Variants in GRID1 observed in about 807,000 individuals in gnomAD.
GRID1 encodes the protein glutamate receptor ionotropic, delta-1.
In GRID1, 28 loss-of-function variants were observed where a neutral mutation model predicts 98.0. That is an observed-to-expected ratio of 0.29 (90% CI 0.21 to 0.39). GRID1 has a LOEUF of 0.39. GRID1 is among the 10% of genes least tolerant of loss of function. The pLI is 1.00. For missense variants in GRID1, 1,111 were observed against 1,340.5 expected, an observed-to-expected ratio of 0.83 and a Z score of 2.67; for synonymous variants, 553 against 538.5, an observed-to-expected ratio of 1.03 and a Z score of -0.37.
At chr10:86,279,823 A>G (rs753081552) in intron 2 of GRID1, among the ~76,000 whole-genome samples, 5 of 152,254 alleles carry the variant, frequency 3.3e-5, no homozygotes, top group Non-Finnish European at 7.3e-5. Flanking sequence ...CACAGGTGAC[A>G]TTATCATTTA....
At chr10:86,337,402 A>C (rs1848238411) in intron 2 of GRID1, among the ~76,000 whole-genome samples, 1 of 152,138 alleles carries the variant, frequency 6.6e-6, no homozygotes, top group East Asian at 1.9e-4. Flanking sequence ...CCACAGGGAC[A>C]CCATCCTGTA....
At chr10:86,240,587 C>T (rs1366795018) in intron 2 of GRID1, among the ~76,000 whole-genome samples, 2 of 47,256 alleles carry the variant, frequency 4.2e-5, no homozygotes, top group South Asian at 8.1e-4. Context: ...TGGGTGGGTG[C>T]GGCGGGGGCG....
chr10:86,229,698 C>T (rs1846418677), intron 2 of GRID1, among the ~76,000 whole-genome samples: 1 of 152,202 alleles, frequency 6.6e-6, no homozygotes, highest in Non-Finnish European at 1.5e-5. Flanking sequence ...CTGGCTTCAA[C>T]CCTTCTGATG....
intron 5 of GRID1, among the ~76,000 whole-genome samples, chr10:85,897,494 TGGCCATA>T (rs1841310023): frequency 6.6e-6 from 1 of 152,204 alleles, no homozygotes; most frequent in African/African-American, 2.4e-5. Context: ...CAGGAAGGCT[TGGCCATA>T]GGCATGGGGT....
At chr10:85,934,152 G>A (rs577237417) in intron 4 of GRID1, among the ~76,000 whole-genome samples, 3 of 152,246 alleles carry the variant, frequency 2.0e-5, no homozygotes, top group East Asian at 3.9e-4. Context: ...CAAGCTGTCT[G>A]GAGGGACCTC....
At chr10:85,985,959 C>A (rs1307789365) in intron 4 of GRID1, among the ~76,000 whole-genome samples, 1 of 152,184 alleles carries the variant, frequency 6.6e-6, no homozygotes, top group African/African-American at 2.4e-5. Context: ...GAATTCACTC[C>A]TCCAAAGAAG....
intron 4 of GRID1, among the ~76,000 whole-genome samples, chr10:85,995,992 C>T (rs1842735138): frequency 6.6e-6 from 1 of 152,204 alleles, no homozygotes; most frequent in Non-Finnish European, 1.5e-5. Flanking sequence ...CTGGGTGGCA[C>T]ACACACCAGA....
At chr10:85,877,675 A>G (rs1277420429) in intron 5 of GRID1, among the ~76,000 whole-genome samples, 2 of 152,196 alleles carry the variant, frequency 1.3e-5, no homozygotes, top group South Asian at 4.1e-4. Context: ...TGGGGAAAAA[A>G]CAGAGCAGAA....
chr10:85,627,036 C>T (rs1187596442), intron 13 of GRID1, among the ~76,000 whole-genome samples: 1 of 152,092 alleles, frequency 6.6e-6, no homozygotes, highest in African/African-American at 2.4e-5. Flanking sequence ...TTGGAAGCAA[C>T]CTAAATGCTC....
intron 4 of GRID1, among the ~76,000 whole-genome samples, chr10:86,062,690 C>T (rs900958143): frequency 2.6e-5 from 4 of 152,214 alleles, no homozygotes; most frequent in Admixed American, 1.3e-4. Flanking sequence ...ACCAGCTTCA[C>T]TCATATCCCA....
intron 2 of GRID1, among the ~76,000 whole-genome samples, chr10:86,252,335 C>T (rs1173788727): frequency 6.6e-6 from 1 of 152,218 alleles, no homozygotes; most frequent in African/African-American, 2.4e-5. Flanking sequence ...TCCAACATCA[C>T]CTTCGTTGTG....
intron 9 of GRID1, among the ~76,000 whole-genome samples, chr10:85,728,464 A>G (rs1841787221): frequency 6.6e-6 from 1 of 152,248 alleles, no homozygotes. Flanking sequence ...AAGTGGCGAT[A>G]AAGCTCTGTG....
At chr10:86,011,923 C>T (rs909262370) in intron 4 of GRID1, among the ~76,000 whole-genome samples, 11 of 152,054 alleles carry the variant, frequency 7.2e-5, no homozygotes, top group African/African-American at 1.9e-4. Context: ...TTTGGGAGGC[C>T]GAAGCGAGCA....
chr10:86,290,975 A>G (rs549840672), intron 2 of GRID1, among the ~76,000 whole-genome samples: 12 of 152,312 alleles, frequency 7.9e-5, no homozygotes, highest in African/African-American at 2.9e-4. Context: ...AGATTCTGAC[A>G]GTCCAGGTCC....
In GRID1 at chr10:86,093,435, A is replaced by T. The variant is rs534802873; in HGVS notation, c.726+45384T>A. On this transcript the variant is annotated intron_variant, in intron 4 of 15. Coordinates refer to ENST00000327946, the MANE Select transcript of GRID1 (RefSeq NM_017551.3). ...AACAAAAAGCTGGTTCTTTGAAAAG[A>T]TAAATAAAATTAATAGACCATTAGC... Among the ~76,000 whole-genome samples the T allele has an allele frequency of 3.7e-4, 57 of 152,166 alleles. 1 individual carries two copies. Among genetic ancestry groups the T allele is most frequent in the African/African-American group, 1.1e-3 (45 of 41,558 alleles).
At chr10:85,975,588 GA>G (rs1178622811) in intron 4 of GRID1, among the ~76,000 whole-genome samples, 1 of 152,216 alleles carries the variant, frequency 6.6e-6, no homozygotes, top group Non-Finnish European at 1.5e-5. Context: ...AAGAAAAGCT[GA>G]ATGGCCTCCC....
At chr10:85,779,998 T>A (rs1478406838) in intron 8 of GRID1, among the ~76,000 whole-genome samples, 1 of 152,210 alleles carries the variant, frequency 6.6e-6, no homozygotes, top group Non-Finnish European at 1.5e-5. Context: ...TGCAGCACCA[T>A]GCAGATTCTC....
At chr10:85,915,764 A>G (rs1356865573) in intron 5 of GRID1, among the ~76,000 whole-genome samples, 1 of 151,440 alleles carries the variant, frequency 6.6e-6, no homozygotes, top group Non-Finnish European at 1.5e-5. Flanking sequence ...CTGCATACAC[A>G]CTCTTGCTCA....
intron 3 of GRID1, among the ~76,000 whole-genome samples, chr10:86,176,656 C>A (rs1019855920): frequency 6.6e-6 from 1 of 152,234 alleles, no homozygotes; most frequent in Non-Finnish European, 1.5e-5. Flanking sequence ...TGAAGAGCTA[C>A]TGAAGGTTTT....
Sources: gnomAD v4.1 joint callset for allele counts (sites outside exome capture counted in the v4.1 genomes callset) on GRCh38, gnomAD v4.1.1 for gene constraint, MANE v1.5 for transcripts, NCBI Gene and HGNC (gene_info 2026-07-23, HGNC 2026-07-21) for gene names.